The following RESF1 variants were observed in gnomAD, a reference collection of about 807,000 sequenced individuals.
RESF1 encodes the protein retroelement silencing factor 1.
In RESF1, 65 loss-of-function variants were observed where a neutral mutation model predicts 134.7. The observed-to-expected ratio is 0.48, with a 90% CI of 0.40 to 0.59. The LOEUF is 0.59. Ranked by LOEUF, RESF1 falls within the 20% of genes least tolerant of loss-of-function variation. The pLI is 0.00. For missense variants in RESF1, 2,274 were observed against 2,002.7 expected (o/e 1.14, Z -2.59); for synonymous variants, 762 against 702.2 (o/e 1.09, Z -1.35).
Position 31,965,877 on chromosome 12 carries a change from G to T in RESF1, c.-246-4312G>T, listed in dbSNP as rs556826703. On this transcript the variant is annotated intron_variant, in intron 2 of 5. Transcript: ENST00000312561. Reference sequence around the variant, plus strand: ...CTGCACTCTAGCCTGGTGACAGAGCGAGACTTCGTCTCAAAAAAAAAAAAA... The same window carrying T: ...CTGCACTCTAGCCTGGTGACAGAGCTAGACTTCGTCTCAAAAAAAAAAAAA... Among the ~76,000 whole-genome samples, 315 of 131,318 alleles carry T rather than the reference G, an allele frequency of 2.4e-3. 2 individuals are homozygous for T. The highest frequency in any genetic ancestry group is 7.5e-4 in the Non-Finnish European group (48 of 64,356). The allele number at this position is 131,318 out of a possible 152,430, so 86.1% of individuals were successfully genotyped here. A position where few individuals can be genotyped will look rare whatever the true frequency, so the allele number is the denominator to read the frequency against.
rs749810087 is a variant in RESF1 at position 31,985,536 on chromosome 12, T to TA, written c.4585dup (p.Thr1529AsnfsTer9). 1.3e-6 allele frequency: 2 copies of TA among 1,599,206 alleles called. No individual in the cohort carries two copies. Among genetic ancestry groups the TA allele is most frequent in the Non-Finnish European group, 1.7e-6 (2 of 1,175,882 alleles). The stretch of plus-strand genomic sequence containing the variant: ...TCAAAATCCACCATTCTCAGGAGTC[T>TA]AAAACATACAACATTCTAAGGAATG... On this transcript the variant is annotated frameshift_variant, in exon 4 of 6. Transcript: ENST00000312561. LOFTEE classifies it high-confidence loss of function.
At position 31,985,775 on chromosome 12, in the gene RESF1, T is replaced by G. The variant is rs368872201; in HGVS notation, c.4820T>G (p.Leu1607Arg). The change falls in exon 4 of 6, where the codon CTT becomes CGT. Residue 1607 changes from leucine (L) to arginine (R), a missense_variant. Leu to Arg is a moderately radical substitution (Grantham distance 102). Transcript: ENST00000312561. ...AAATTAGAAAGTTCACCCAGGAAGC[T>G]TCATAAAGATAAGAGACAGGAAAAT... The part of the protein sequence containing the change: ...LTKLESSPRK[L>R]HKDKRQENKH... 1.3e-6 allele frequency: 2 copies of G among 1,569,860 alleles called. No homozygotes were observed. Among genetic ancestry groups the G allele is most frequent in the East Asian group, 2.3e-5 (1 of 44,304 alleles).
intron 4 of RESF1, among the ~76,000 whole-genome samples, chr12:31,986,182 C>T (rs569533834): frequency 3.3e-5 from 5 of 152,072 alleles, no homozygotes; most frequent in Non-Finnish European, 5.9e-5. Flanking sequence ...GTCGTCATGA[C>T]GAGCTATATG....
intron 5 of RESF1, among the ~76,000 whole-genome samples, chr12:31,987,648 C>T (rs1940005178): frequency 6.6e-6 from 1 of 152,146 alleles, no homozygotes; most frequent in Non-Finnish European, 1.5e-5. Context: ...CCTGACTACT[C>T]AGCTCTGACT....
rs1368902611 is a variant in RESF1 at position 31,983,179 on chromosome 12, A to G, written c.2224A>G (p.Met742Val). Residue 742 changes from methionine (M) to valine (V), a missense_variant, in exon 4 of 6, where the codon ATG (methionine) becomes GTG (valine). By Grantham distance (21) the Met-to-Val change is conservative (BLOSUM62 1). Coordinates refer to ENST00000312561, the MANE Select transcript of RESF1 (RefSeq NM_018169.4). Reference sequence around the variant, plus strand: ...ACAGCAGACAGCTTTGTCGATGGTAATGCACAATTATGAGTCTTCAGGTAT... The same window carrying G: ...ACAGCAGACAGCTTTGTCGATGGTAGTGCACAATTATGAGTCTTCAGGTAT... ...PSQQTALSMV[M>V]HNYESSGINI... The G allele has an allele frequency of 4.3e-6, 7 of 1,611,234 alleles. No individual in the cohort carries two copies. The highest frequency in any genetic ancestry group is 1.3e-5 in the African/African-American group (1 of 74,720).
At chr12:31,972,975 T>A (rs1219450195) in intron 3 of RESF1, among the ~76,000 whole-genome samples, 1 of 152,234 alleles carries the variant, frequency 6.6e-6, no homozygotes, top group Non-Finnish European at 1.5e-5. Context: ...AGCATTTTAA[T>A]TTCTCTTTGT....
chr12:31,964,741 T>C (rs1407172982), intron 2 of RESF1, among the ~76,000 whole-genome samples: 4 of 152,234 alleles, frequency 2.6e-5, no homozygotes, highest in African/African-American at 9.6e-5. Flanking sequence ...TATGTGCATG[T>C]TGATTTCTTT....
At chr12:31,980,853 A>T in intron 3 of RESF1, 25 bp from the exon 4 acceptor site, 1 of 881,010 alleles carries the variant, frequency 1.1e-6, no homozygotes, top group Non-Finnish European at 1.7e-6. Context: ...ACAGCATTTT[A>T]ATAAAATATC....
chr12:31,975,995 C>T lies in RESF1; in HGVS notation c.-78-4883C>T, dbSNP rs570705262. ...TTAACCCTTGGTAGATGATGCCATA[C>T]GTCTTTCCAAAGTGTTGGTTACTTT... is the stretch of plus-strand genomic sequence containing the variant. On this transcript the variant is annotated intron_variant, in intron 3 of 5. Transcript: ENST00000312561. Among the ~76,000 whole-genome samples the T allele has an allele frequency of 2.0e-4, 30 of 152,238 alleles. No individual in the cohort carries two copies. In the South Asian group the frequency reaches 2.9e-3, roughly 15 times the overall value.
intron 2 of RESF1, among the ~76,000 whole-genome samples, chr12:31,968,450 CTTT>C (rs34647835): frequency 3.6e-4 from 51 of 140,562 alleles, no homozygotes; most frequent in Middle Eastern, 3.9e-3. Flanking sequence ...TAGGACTTCT[CTTT>C]TTTTTTTTTT....
chr12:31,977,862 A>G (rs1429093227), intron 3 of RESF1, among the ~76,000 whole-genome samples: 2 of 147,412 alleles, frequency 1.4e-5, no homozygotes, highest in Non-Finnish European at 3.0e-5. Context: ...TGGAGTGCAA[A>G]TGGTGCAATC....
chr12:31,959,973 T>TA (rs1018655892), intron 1 of RESF1: 5 of 151,958 alleles, frequency 3.3e-5, no homozygotes, highest in African/African-American at 1.2e-4. Context: ...CTTTTTTTTT[T>TA]TTTGCTATTT....
chr12:31,978,212 A>G (rs1939680455), intron 3 of RESF1, among the ~76,000 whole-genome samples: 1 of 152,084 alleles, frequency 6.6e-6, no homozygotes, highest in Non-Finnish European at 1.5e-5. Context: ...TCATTTTCTA[A>G]GTATTTTTTT....
In RESF1 at chr12:31,961,272, T is replaced by G. The variant is rs191202239; in HGVS notation, c.-247+401T>G. Reference sequence around the variant, plus strand: ...GCTTCCCGTGCAGCCAAAGTGATCATGTCCAGGGCTTTCATCTGTAACCAC... The same window carrying G: ...GCTTCCCGTGCAGCCAAAGTGATCAGGTCCAGGGCTTTCATCTGTAACCAC... On this transcript the variant is annotated intron_variant, in intron 2 of 5. Coordinates refer to ENST00000312561, the MANE Select transcript of RESF1 (RefSeq NM_018169.4). 2.5e-3 allele frequency among the ~76,000 whole-genome samples: 383 copies of G among 152,356 alleles called. 9 individuals are homozygous for G. Among genetic ancestry groups the G allele is most frequent in the Non-Finnish European group, 7.2e-4 (49 of 68,042 alleles).
Position 31,983,653 on chromosome 12 carries a change from G to A in RESF1, c.2698G>A (p.Glu900Lys). The change falls in exon 4 of 6, where the codon GAA (glutamate) becomes AAA (lysine). Residue 900 changes from glutamate (E) to lysine (K), a missense_variant. Physicochemically the swap from Glu to Lys is moderately conservative, Grantham distance 56. Transcript: ENST00000312561. Reference protein sequence around the residue: ...LQIDNICSLVEGDTSYNSQIA... With the variant: ...LQIDNICSLVKGDTSYNSQIA... ...GATTGACAATATTTGTTCTCTGGTT[G>A]AAGGTGATACCTCTTACAATTCCCA... 6.2e-7 allele frequency: 1 copy of A among 1,614,062 alleles called. No individual in the cohort carries two copies. The highest frequency in any genetic ancestry group is 1.3e-5 in the African/African-American group (1 of 75,046).
chr12:31,991,666 G>T (rs1940095254), intron 5 of RESF1, among the ~76,000 whole-genome samples: 1 of 152,194 alleles, frequency 6.6e-6, no homozygotes, highest in South Asian at 2.1e-4. Context: ...CTGTCACCCA[G>T]GCTGGAGTGC....
chr12:31,961,154 T>C (rs1939257312), intron 2 of RESF1, among the ~76,000 whole-genome samples: 1 of 152,172 alleles, frequency 6.6e-6, no homozygotes, highest in African/African-American at 2.4e-5. Context: ...TCTGCTTCTG[T>C]CTGTGCTGTG....
intron 3 of RESF1, among the ~76,000 whole-genome samples, chr12:31,975,788 C>T (rs895161196): frequency 6.6e-6 from 1 of 152,168 alleles, no homozygotes; most frequent in African/African-American, 2.4e-5. Flanking sequence ...TTGTTAGATT[C>T]ATGTTGCATA....
chr12:31,983,275 T>C lies in RESF1; in HGVS notation c.2320T>C (p.Leu774=). The stretch of plus-strand genomic sequence containing the variant: ...GTTAGTTCTGTCAGAGGTCAAAACA[T>C]TGTCTGTCAAAGGAATAACACCTGC... ...SPLVLSEVKT[L]SVKGITPAVL... is the part of the protein sequence containing the mutation. Residue 774 remains leucine (L), a synonymous_variant, in exon 4 of 6, where the codon TTG becomes CTG. Transcript: ENST00000312561. The C allele has an allele frequency of 6.2e-7, 1 of 1,613,356 alleles. No homozygotes were observed. Among genetic ancestry groups the C allele is most frequent in the Non-Finnish European group, 8.5e-7 (1 of 1,179,638 alleles).
Sources: gnomAD v4.1 joint callset for allele counts (sites outside exome capture counted in the v4.1 genomes callset) on GRCh38, gnomAD v4.1.1 for gene constraint, MANE v1.5 for transcripts, NCBI Gene and HGNC (gene_info 2026-07-23, HGNC 2026-07-21) for gene names.